Variants in PDE11A observed in about 807,000 individuals in gnomAD.
PDE11A encodes the protein phosphodiesterase 11A.
Under a neutral mutation model 100.5 loss-of-function variants are expected in PDE11A, and 100 were observed. That is an observed-to-expected ratio of 1.00 (90% CI 0.85 to 1.18). PDE11A has a LOEUF of 1.18. Ranked by LOEUF, PDE11A falls within the 50% of genes most tolerant of loss-of-function variation. The probability of loss-of-function intolerance (pLI) is 0.00; values close to 1 mark genes in which losing one functional copy is unlikely to be tolerated. For missense variants in PDE11A, 1,141 were observed against 1,152.6 expected (o/e 0.99, Z 0.15); for synonymous variants, 381 against 420.8 (o/e 0.91, Z 1.16).
intron 9 of PDE11A, among the ~76,000 whole-genome samples, chr2:177,789,659 T>G (rs1276553645): frequency 6.6e-6 from 1 of 152,038 alleles, no homozygotes; most frequent in African/African-American, 2.4e-5. Context: ...CAGCCCAAAA[T>G]CTTCTTAAGG....
intron 2 of PDE11A, 76 bp downstream of exon 2, chr2:178,014,226 T>C: frequency 8.9e-7 from 1 of 1,128,474 alleles, no homozygotes; most frequent in South Asian, 1.2e-5. Context: ...ATTCACATAA[T>C]TCCTGTCTTT....
chr2:177,721,572 T>A (rs2081525760), intron 12 of PDE11A, among the ~76,000 whole-genome samples: 1 of 152,124 alleles, frequency 6.6e-6, no homozygotes, highest in African/African-American at 2.4e-5. Context: ...AAGAAAAATA[T>A]CAGATTCTTA....
chr2:177,924,485 G>C (rs1479159894), intron 2 of PDE11A, among the ~76,000 whole-genome samples: 1 of 152,166 alleles, frequency 6.6e-6, no homozygotes, highest in African/African-American at 2.4e-5. Flanking sequence ...ATGGCCACGA[G>C]AGCTAGAGAA....
chr2:177,719,202 C>G (rs977920879), intron 12 of PDE11A, among the ~76,000 whole-genome samples: 1 of 152,188 alleles, frequency 6.6e-6, no homozygotes, highest in African/African-American at 2.4e-5. Flanking sequence ...AAATTCTGCT[C>G]TCACCTTTCT....
At chr2:178,065,824 C>T (rs1000472072) in intron 1 of PDE11A, among the ~76,000 whole-genome samples, 28 of 152,198 alleles carry the variant, frequency 1.8e-4, no homozygotes, top group South Asian at 8.3e-4. Context: ...ACTCTCATCG[C>T]TGAATTTTCT....
intron 2 of PDE11A, among the ~76,000 whole-genome samples, chr2:177,931,911 C>CAAAAA (rs71410773): frequency 7.3e-4 from 58 of 79,916 alleles, no homozygotes; most frequent in African/African-American, 8.6e-4. Context: ...GCTAGATTAA[C>CAAAAA]AAAAAAAAAA....
intron 10 of PDE11A, among the ~76,000 whole-genome samples, chr2:177,746,597 A>C (rs900193230): frequency 6.6e-6 from 1 of 152,248 alleles, no homozygotes; most frequent in East Asian, 1.9e-4. Context: ...AAAAAGAATC[A>C]GTCTGGTATT....
intron 2 of PDE11A, among the ~76,000 whole-genome samples, chr2:178,096,458 CCA>C (rs1340123525): frequency 6.6e-6 from 1 of 151,908 alleles, no homozygotes; most frequent in Non-Finnish European, 1.5e-5. Flanking sequence ...CAGGCCTGAG[CCA>C]CTGCGCCTGG....
At chr2:178,073,695 A>G (rs1450056121), upstream of PDE11A, among the ~76,000 whole-genome samples, 1 of 152,218 alleles carries the variant, frequency 6.6e-6, no homozygotes, top group Non-Finnish European at 1.5e-5. Context: ...GTGACGATGT[A>G]TGGAAACTTT....
At position 177,698,830 on chromosome 2, in the gene PDE11A, G is replaced by A. The variant is rs191177525; in HGVS notation, c.2245-1398C>T. Among the ~76,000 whole-genome samples, 59 of 152,260 alleles carry A rather than the reference G, an allele frequency of 3.9e-4. No individual in the cohort carries two copies. The Middle Eastern group carries it at 0.01, about 26-fold the overall frequency. ...GAATGCTGCACCATAATTCTGCCCA[G>A]GTTTTTTTGCCTGTGCATTACCCAA... On this transcript the variant is annotated intron_variant, in intron 14 of 19. Transcript: ENST00000286063.
chr2:178,025,089 T>G (rs186335389), intron 1 of PDE11A, among the ~76,000 whole-genome samples: 117 of 152,336 alleles, frequency 7.7e-4, no homozygotes, highest in Non-Finnish European at 1.4e-3. Context: ...ATCATTGTTG[T>G]TCTTAATATG....
At chr2:178,078,196 C>T (rs552106984) in intron 2 of PDE11A, among the ~76,000 whole-genome samples, 104 of 152,044 alleles carry the variant, frequency 6.8e-4, no homozygotes, top group African/African-American at 2.4e-3. Flanking sequence ...GACTCTCAAA[C>T]TTCTTTTTTC....
intron 3 of PDE11A, among the ~76,000 whole-genome samples, chr2:177,899,903 T>A (rs1467709266): frequency 6.6e-6 from 1 of 150,584 alleles, no homozygotes; most frequent in Non-Finnish European, 1.5e-5. Flanking sequence ...AACACATTAA[T>A]TTTTTTTTAA....
chr2:177,863,819 C>G (rs1164079291), intron 5 of PDE11A, among the ~76,000 whole-genome samples: 1 of 151,874 alleles, frequency 6.6e-6, no homozygotes, highest in Non-Finnish European at 1.5e-5. Context: ...ACCCTATGAC[C>G]CAGCAACCCC....
intron 10 of PDE11A, among the ~76,000 whole-genome samples, chr2:177,768,802 C>G (rs1445928094): frequency 6.6e-6 from 1 of 152,182 alleles, no homozygotes; most frequent in Non-Finnish European, 1.5e-5. Flanking sequence ...TGACCTTGGC[C>G]TGGCATCTCC....
chr2:177,874,655 C>T (rs532481129), intron 5 of PDE11A, among the ~76,000 whole-genome samples: 52 of 152,062 alleles, frequency 3.4e-4, no homozygotes, highest in Non-Finnish European at 6.9e-4. Context: ...TTTTTCCAAG[C>T]GGATGTTATT....
intron 10 of PDE11A, among the ~76,000 whole-genome samples, chr2:177,734,327 G>T (rs2081740911): frequency 6.6e-6 from 1 of 151,892 alleles, no homozygotes. Context: ...GTCTTCTCGG[G>T]GAGCAAACAA....
chr2:177,832,554 C>CATCTATCTATCTATCT (rs58916923), intron 6 of PDE11A, among the ~76,000 whole-genome samples: 116 of 146,400 alleles, frequency 7.9e-4, no homozygotes, highest in South Asian at 2.5e-3. Flanking sequence ...TACTCACATC[C>CATCTATCTATCTATCT]ATCTATCTAT....
intron 2 of PDE11A, among the ~76,000 whole-genome samples, chr2:177,937,105 G>A (rs1206851973): frequency 6.6e-6 from 1 of 152,020 alleles, no homozygotes; most frequent in Admixed American, 6.6e-5. Flanking sequence ...AACGTTGTAC[G>A]TGCTTTTACA....
Sources: gnomAD v4.1 joint callset for allele counts (sites outside exome capture counted in the v4.1 genomes callset) on GRCh38, gnomAD v4.1.1 for gene constraint, MANE v1.5 for transcripts, NCBI Gene and HGNC (gene_info 2026-07-23, HGNC 2026-07-21) for gene names.